Variants in ASTN1 observed in about 807,000 individuals in gnomAD.
ASTN1 encodes the protein astrotactin 1, also known as astrotactin-1.
In ASTN1, 41 loss-of-function variants were observed where a neutral mutation model predicts 140.7. The ratio of observed to expected loss-of-function variants is 0.29; its 90% confidence interval spans 0.23 to 0.38. The LOEUF (loss-of-function observed/expected upper bound fraction) is 0.38, where lower values mean the gene tolerates loss of function less well. Among genes scored for constraint, ASTN1 ranks in the 10% least tolerant of loss-of-function variants. The pLI, the probability that ASTN1 is intolerant of heterozygous loss-of-function variation, is 1.00. For synonymous variants in ASTN1, 640 were observed against 652.2 expected (o/e 0.98, Z 0.29); for missense variants, 1,479 against 1,678.8 (o/e 0.88, Z 2.08).
rs945634407 is a variant in ASTN1, at chr1:176,967,555, C to A, written c.1524-2318G>T. 5.3e-5 allele frequency among the ~76,000 whole-genome samples: 8 copies of A among 152,128 alleles called. No individual in the cohort carries two copies. The East Asian group carries it at 1.5e-3, about 29-fold the overall frequency. On this transcript the variant is annotated intron_variant, in intron 8 of 22. Coordinates refer to ENST00000361833, the MANE Select transcript of ASTN1 (RefSeq NM_004319.3). ...TTCCAGCCATTTCTAGCACTCAAAACTGATACAATGTGTAATTATAGTTAA... is the reference window on the plus strand; with the variant it reads ...TTCCAGCCATTTCTAGCACTCAAAAATGATACAATGTGTAATTATAGTTAA...
At chr1:177,033,101 C>G (rs897435485) in intron 2 of ASTN1, among the ~76,000 whole-genome samples, 1 of 147,620 alleles carries the variant, frequency 6.8e-6, no homozygotes, top group Admixed American at 6.8e-5. Context: ...TCGGGCTTAG[C>G]AAACAATTTG....
chr1:176,988,325 A>AAC (rs1174254219), intron 8 of ASTN1, among the ~76,000 whole-genome samples: 1 of 151,742 alleles, frequency 6.6e-6, no homozygotes, highest in Non-Finnish European at 1.5e-5. Flanking sequence ...GGGAAAAAAA[A>AAC]AAAAAAAACC....
At chr1:177,055,174 T>C (rs1677739364) in intron 2 of ASTN1, among the ~76,000 whole-genome samples, 1 of 152,204 alleles carries the variant, frequency 6.6e-6, no homozygotes, top group African/African-American at 2.4e-5. Flanking sequence ...AGCCAGCATA[T>C]GAAGTCCACT....
intron 16 of ASTN1, among the ~76,000 whole-genome samples, chr1:176,916,644 C>T (rs1447602999): frequency 1.3e-5 from 2 of 152,132 alleles, no homozygotes; most frequent in Non-Finnish European, 2.9e-5. Context: ...CAACTTTCCA[C>T]TAGACATTTC....
At chr1:176,869,121 TATCA>T in intron 21 of ASTN1, 94 bp from the exon 22 acceptor site, 1 of 849,244 alleles carries the variant, frequency 1.2e-6, no homozygotes, top group Non-Finnish European at 1.6e-6. Context: ...CATATAGACA[TATCA>T]CATATAAACA....
At chr1:177,100,257 T>C (rs1680235703) in intron 1 of ASTN1, among the ~76,000 whole-genome samples, 1 of 152,154 alleles carries the variant, frequency 6.6e-6, no homozygotes, top group Non-Finnish European at 1.5e-5. Context: ...TTGGTGATGC[T>C]TATGTTAAGC....
At chr1:176,882,629 C>A (rs1005481996) in intron 20 of ASTN1, among the ~76,000 whole-genome samples, 10 of 151,948 alleles carry the variant, frequency 6.6e-5, no homozygotes, top group Non-Finnish European at 1.5e-4. Context: ...TATCTTTCCC[C>A]TCTATGTTGC....
chr1:177,053,372 T>C (rs1396205396), intron 2 of ASTN1, among the ~76,000 whole-genome samples: 1 of 152,168 alleles, frequency 6.6e-6, no homozygotes, highest in Non-Finnish European at 1.5e-5. Context: ...CTCTGTGAAC[T>C]TCAGGAAAGA....
chr1:176,998,015 T>C (rs1442092726), intron 8 of ASTN1, among the ~76,000 whole-genome samples: 1 of 152,108 alleles, frequency 6.6e-6, no homozygotes, highest in Admixed American at 6.6e-5. Context: ...TTGAAACAAA[T>C]GCTGGGTCTG....
chr1:177,118,787 G>T (rs1380164105), intron 1 of ASTN1, among the ~76,000 whole-genome samples: 1 of 152,140 alleles, frequency 6.6e-6, no homozygotes, highest in Non-Finnish European at 1.5e-5. Flanking sequence ...CCCCAGGAAG[G>T]CTTGGGAAAT....
intron 2 of ASTN1, among the ~76,000 whole-genome samples, chr1:177,046,641 C>T (rs1024721238): frequency 6.6e-6 from 1 of 152,162 alleles, no homozygotes; most frequent in East Asian, 1.9e-4. Flanking sequence ...TAATTTTGCT[C>T]AGTATCAACT....
At position 176,869,013 on chromosome 1, in the gene ASTN1, T is replaced by C. The variant is rs778903953; in HGVS notation, c.3478A>G (p.Ile1160Val). ...DVKAQEIADKIYNLFNGYTSG... is the reference protein window; with the variant it reads ...DVKAQEIADKVYNLFNGYTSG... ...GTGTAGCCATTGAAGAGATTGTAGA[T>C]CTTGTCTGCTATTTCTGAGGAAGGA... is the stretch of plus-strand genomic sequence containing the variant. The change falls in exon 22 of 23, where the codon ATC becomes GTC. Residue 1160 changes from isoleucine to valine, a missense_variant. Ile to Val is a conservative substitution (Grantham distance 29). Coordinates refer to ENST00000361833, the MANE Select transcript of ASTN1 (RefSeq NM_004319.3). 7 of 1,589,502 alleles carry C rather than the reference T, an allele frequency of 4.4e-6. No homozygotes were observed. Among genetic ancestry groups the C allele is most frequent in the Admixed American group, 1.7e-5 (1 of 58,224 alleles).
intron 1 of ASTN1, among the ~76,000 whole-genome samples, chr1:177,114,369 C>T (rs111410810): frequency 3.7e-4 from 56 of 152,116 alleles, no homozygotes; most frequent in African/African-American, 1.2e-3. Context: ...CCTATTAGAG[C>T]AGAATCCTAA....
chr1:177,032,606 G>A lies in ASTN1; in HGVS notation c.715C>T (p.Leu239=). 3.7e-6 allele frequency: 6 copies of A among 1,614,194 alleles called. No homozygotes were observed. The highest frequency in any genetic ancestry group is 4.2e-6 in the Non-Finnish European group (5 of 1,180,034). Residue 239 remains leucine (L), a synonymous_variant, in exon 3 of 23, where the codon CTG becomes TTG. Coordinates refer to ENST00000361833, the MANE Select transcript of ASTN1 (RefSeq NM_004319.3). The part of the protein sequence containing the change: ...GTLSIRETPI[L]DGYEYDITDL... Reference sequence around the variant, plus strand: ...GTGATGTCATACTCATAGCCGTCCAGGATAGGTGTCTCCCGGATGCTCAGG... The same window carrying A: ...GTGATGTCATACTCATAGCCGTCCAAGATAGGTGTCTCCCGGATGCTCAGG...
intron 2 of ASTN1, among the ~76,000 whole-genome samples, chr1:177,034,219 CT>C (rs1262933269): frequency 6.7e-6 from 1 of 148,344 alleles, no homozygotes; most frequent in Non-Finnish European, 1.5e-5. Context: ...TATCCTCCCC[CT>C]CTCACCATCG....
chr1:176,965,086 C>T lies in ASTN1; in HGVS notation c.1598+77G>A, dbSNP rs1031431042. 53 of 1,384,346 alleles carry T rather than the reference C, an allele frequency of 3.8e-5. No individual in the cohort carries two copies. The Admixed American group carries it at 8.8e-4, about 23-fold the overall frequency. 85.8% of individuals were successfully genotyped at this position (1,384,346 alleles called of 1,614,324 possible). On this transcript the variant is annotated intron_variant, in intron 9 of 22. Transcript: ENST00000361833. ...TGTTTCCTATTTTATACTTTACCAACTAGGAAAGTCAGTTCGGGGGAAGCG... is the reference window on the plus strand; with the variant it reads ...TGTTTCCTATTTTATACTTTACCAATTAGGAAAGTCAGTTCGGGGGAAGCG...
At chr1:177,003,874 A>C (rs1275819540) in intron 8 of ASTN1, among the ~76,000 whole-genome samples, 1 of 152,110 alleles carries the variant, frequency 6.6e-6, no homozygotes, top group African/African-American at 2.4e-5. Flanking sequence ...ATCATACTGA[A>C]AAGGGAAAAG....
intron 3 of ASTN1, 35 bp from the exon 4 acceptor site, chr1:177,030,987 A>T (rs1387747876): frequency 6.3e-7 from 1 of 1,591,036 alleles, no homozygotes. Context: ...AAACTTTAAG[A>T]GAAAAGACCA....
At chr1:176,957,861 G>A in intron 10 of ASTN1, 33 bp from the exon 11 acceptor site, 1 of 1,605,720 alleles carries the variant, frequency 6.2e-7, no homozygotes, top group Non-Finnish European at 8.5e-7. Context: ...GCAGGGAGGA[G>A]TCAAGGAGAT....
Sources: gnomAD v4.1 joint callset for allele counts (sites outside exome capture counted in the v4.1 genomes callset) on GRCh38, gnomAD v4.1.1 for gene constraint, MANE v1.5 for transcripts, NCBI Gene and HGNC (gene_info 2026-07-23, HGNC 2026-07-21) for gene names.